The following DYNC2H1 variants were observed in gnomAD, a reference collection of about 807,000 sequenced individuals.
The protein encoded by DYNC2H1 is cytoplasmic dynein 2 heavy chain 1.
In DYNC2H1, 410 loss-of-function variants were observed where a neutral mutation model predicts 570.0. That is an observed-to-expected ratio of 0.72 (90% CI 0.66 to 0.78). The LOEUF is 0.78. Among genes scored for constraint, DYNC2H1 ranks in the 30% least tolerant of loss-of-function variants. DYNC2H1 has a pLI of 0.00. For synonymous variants in DYNC2H1, 1,688 were observed against 1,677.6 expected (o/e 1.01, Z -0.15); for missense variants, 4,865 against 5,046.4 (o/e 0.96, Z 1.09).
intron 54 of DYNC2H1, among the ~76,000 whole-genome samples, chr11:103,212,937 GA>G (rs1431317451): frequency 1.3e-5 from 2 of 152,040 alleles, no homozygotes; most frequent in Non-Finnish European, 1.5e-5. Flanking sequence ...AATTCATATG[GA>G]AAAAACTTAG....
rs974503603 is a variant in DYNC2H1 at position 103,182,243 on chromosome 11, AAT to A, written c.6477+363_6477+364del. Among the ~76,000 whole-genome samples, 7 of 150,496 alleles carry A rather than the reference AAT, an allele frequency of 4.7e-5. No individual in the cohort carries two copies. The South Asian group carries it at 1.3e-3, about 27-fold the overall frequency. On this transcript the variant is annotated intron_variant, in intron 40 of 88. Coordinates refer to ENST00000375735, the MANE Select transcript of DYNC2H1 (RefSeq NM_001377.3). ...CTATATATATGACATATGTATATAT[AAT>A]ATATAGGTATTTATATACCTATATA...
At chr11:103,237,579 T>C (rs934916772) in intron 63 of DYNC2H1, among the ~76,000 whole-genome samples, 11 of 152,150 alleles carry the variant, frequency 7.2e-5, no homozygotes, top group Admixed American at 1.3e-4. Context: ...ATTTTCACAA[T>C]GGAATCACAA....
intron 83 of DYNC2H1, among the ~76,000 whole-genome samples, chr11:103,365,748 T>A (rs867564996): frequency 6.6e-6 from 1 of 152,226 alleles, no homozygotes; most frequent in African/African-American, 2.4e-5. Context: ...GCAAAGAAAT[T>A]ATATTTTGCA....
At chr11:103,422,519 G>A (rs560212530) in intron 84 of DYNC2H1, among the ~76,000 whole-genome samples, 2 of 152,216 alleles carry the variant, frequency 1.3e-5, no homozygotes, top group East Asian at 3.9e-4. Context: ...TCCCTGGGAT[G>A]CAAGGTTTGT....
chr11:103,286,463 C>G, intron 74 of DYNC2H1, 77 bp downstream of exon 74: 1 of 1,534,346 alleles, frequency 6.5e-7, no homozygotes, highest in Non-Finnish European at 8.8e-7. Context: ...TAAAGGAAAG[C>G]TTTGCTTTTA....
At chr11:103,154,988 G>A (rs1860747779) in intron 24 of DYNC2H1, among the ~76,000 whole-genome samples, 179 bp downstream of exon 24, 1 of 151,952 alleles carries the variant, frequency 6.6e-6, no homozygotes, top group Non-Finnish European at 1.5e-5. Flanking sequence ...CTACCAATGA[G>A]AAAGAAGTTA....
chr11:103,475,976 A>G (rs1050576428), intron 88 of DYNC2H1, among the ~76,000 whole-genome samples: 1 of 152,204 alleles, frequency 6.6e-6, no homozygotes, highest in African/African-American at 2.4e-5. Context: ...GGTGTTGGAA[A>G]AAGATAATTT....
At position 103,399,463 on chromosome 11, in the gene DYNC2H1, C is replaced by T. The variant is rs115460197; in HGVS notation, c.12157-200C>T. Among the ~76,000 whole-genome samples, 299 of 151,892 alleles carry T rather than the reference C, an allele frequency of 2.0e-3. 4 individuals carry two copies. Among genetic ancestry groups the T allele is most frequent in the African/African-American group, 6.8e-3 (280 of 41,416 alleles). On this transcript the variant is annotated intron_variant, in intron 83 of 88. Coordinates refer to ENST00000375735, the MANE Select transcript of DYNC2H1 (RefSeq NM_001377.3). ...GAGCCACCGCGCCTGGCCCACACACCGCTTTAAATGTTGAGGAACTCCAGA... is the reference window on the plus strand; with the variant it reads ...GAGCCACCGCGCCTGGCCCACACACTGCTTTAAATGTTGAGGAACTCCAGA...
In DYNC2H1 at chr11:103,153,432, C is replaced by T; in HGVS notation, c.3226C>T (p.Leu1076Phe). 6.4e-7 allele frequency: 1 copy of T among 1,566,444 alleles called. No homozygotes were observed. Among genetic ancestry groups the T allele is most frequent in the Non-Finnish European group, 8.7e-7 (1 of 1,155,358 alleles). Residue 1076 changes from leucine to phenylalanine, a missense_variant, in exon 22 of 89, where the codon CTT becomes TTT. By Grantham distance (22) the Leu-to-Phe change is conservative. Coordinates refer to ENST00000375735, the MANE Select transcript of DYNC2H1 (RefSeq NM_001377.3). ...DVIETGQHNT[L>F]DKSAKLIKEK... Reference sequence around the variant, plus strand: ...TATTGAAACTGGCCAACATAATACTCTTGATAAAAGTGCAAAGTTAATAAA... The same window carrying T: ...TATTGAAACTGGCCAACATAATACTTTTGATAAAAGTGCAAAGTTAATAAA...
intron 87 of DYNC2H1, among the ~76,000 whole-genome samples, chr11:103,458,029 C>CT (rs1279782206): frequency 1.3e-5 from 2 of 152,088 alleles, no homozygotes; most frequent in Non-Finnish European, 2.9e-5. Context: ...TTATTGAAGC[C>CT]TAAGTGTACA....
intron 1 of DYNC2H1, among the ~76,000 whole-genome samples, chr11:103,112,816 A>G (rs1253200696): frequency 6.6e-6 from 1 of 152,232 alleles, no homozygotes; most frequent in Non-Finnish European, 1.5e-5. Context: ...TGTATAATGC[A>G]AAAACTTCCT....
Position 103,181,704 on chromosome 11 carries a change from G to A in DYNC2H1, c.6348-53G>A, listed in dbSNP as rs1188174996. On this transcript the variant is annotated intron_variant, in intron 39 of 88. Coordinates refer to ENST00000375735, the MANE Select transcript of DYNC2H1 (RefSeq NM_001377.3). The surrounding 1 kb of genome is among the most constrained non-coding windows in gnomAD (Gnocchi z 5.0). ...TATTGGAGAAGAAATTTATTTTAAT[G>A]TAAATTGATAATTTCTTCCTAAGTA... The A allele has an allele frequency of 1.4e-6, 2 of 1,467,366 alleles. No individual in the cohort carries two copies. Among genetic ancestry groups the A allele is most frequent in the Non-Finnish European group, 1.8e-6 (2 of 1,093,192 alleles). 90.9% of individuals were successfully genotyped at this position (1,467,366 alleles called of 1,614,324 possible). A position where few individuals can be genotyped will look rare whatever the true frequency, so the allele number is the denominator to read the frequency against.
chr11:103,403,383 A>T (rs562070854), intron 84 of DYNC2H1: 2 of 152,202 alleles, frequency 1.3e-5, no homozygotes, highest in African/African-American at 4.8e-5. Context: ...ATTATTGACA[A>T]GATAACAATA....
intron 83 of DYNC2H1, among the ~76,000 whole-genome samples, chr11:103,365,362 A>AG (rs1397700657): frequency 1.0e-5 from 1 of 97,408 alleles, no homozygotes; most frequent in Non-Finnish European, 2.6e-5. Flanking sequence ...ATTCCGGCTC[A>AG]GGAAAAAAAA....
rs1448382517 is a variant in DYNC2H1, at chr11:103,472,264, C to T, written c.12765+3559C>T. 1.3e-5 allele frequency among the ~76,000 whole-genome samples: 2 copies of T among 152,092 alleles called. No individual in the cohort carries two copies. Among genetic ancestry groups the T allele is most frequent in the Non-Finnish European group, 2.9e-5 (2 of 68,020 alleles). ...ACAGGGCCAGGCACGGTGGCTCACACCTGTAATCCCATCACTTTGGGAGGC... is the reference window on the plus strand; with the variant it reads ...ACAGGGCCAGGCACGGTGGCTCACATCTGTAATCCCATCACTTTGGGAGGC... On this transcript the variant is annotated intron_variant, in intron 88 of 88. Coordinates refer to ENST00000375735, the MANE Select transcript of DYNC2H1 (RefSeq NM_001377.3). This position sits in a 1 kb window ranked among gnomAD's most constrained non-coding sequence, Gnocchi z 4.1.
chr11:103,111,367 G>T (rs979231575), intron 1 of DYNC2H1, among the ~76,000 whole-genome samples: 2 of 152,202 alleles, frequency 1.3e-5, no homozygotes, highest in Non-Finnish European at 2.9e-5. Context: ...TCATTTAATA[G>T]CCATAACGAC....
chr11:103,176,371 T>C lies in DYNC2H1; in HGVS notation c.5811T>C (p.Asp1937=), dbSNP rs1342763037. 3.1e-6 allele frequency: 5 copies of C among 1,595,362 alleles called. No individual in the cohort carries two copies. Among genetic ancestry groups the C allele is most frequent in the Admixed American group, 1.7e-5 (1 of 57,650 alleles). ...PGIELKEVEY[D]ELSAALKQVF... ...TTGAATTGAAAGAAGTGGAATATGA[T>C]GAACTAAGTGCTGCATTAAAGCAGG... Residue 1937 remains aspartate, a synonymous_variant, in exon 37 of 89, where the codon GAT becomes GAC. Coordinates refer to ENST00000375735, the MANE Select transcript of DYNC2H1 (RefSeq NM_001377.3).
chr11:103,215,746 C>G lies in DYNC2H1; in HGVS notation c.8720C>G (p.Ala2907Gly), dbSNP rs980680755. The change falls in exon 55 of 89, where the codon GCT (alanine) becomes GGT (glycine). Residue 2907 changes from alanine (A) to glycine (G), a missense_variant. Physicochemically the swap from Ala to Gly is moderately conservative, Grantham distance 60 (BLOSUM62 0). Transcript: ENST00000375735. The stretch of plus-strand genomic sequence containing the variant: ...GCTGGTGTATCTAAACTAAATGAAG[C>G]TAAAGCTCTTGTGGATGAACTGAAC... ...LQAGVSKLNEAKALVDELNRK... is the reference protein window; with the variant it reads ...LQAGVSKLNEGKALVDELNRK... 6.2e-7 allele frequency: 1 copy of G among 1,609,952 alleles called. No homozygotes were observed. Among genetic ancestry groups the G allele is most frequent in the Non-Finnish European group, 8.5e-7 (1 of 1,177,930 alleles).
intron 82 of DYNC2H1, among the ~76,000 whole-genome samples, chr11:103,332,110 A>T (rs1402613845): frequency 6.6e-6 from 1 of 152,082 alleles, no homozygotes; most frequent in East Asian, 1.9e-4. Flanking sequence ...AATATGCAAG[A>T]TTAGATGTTT....
Sources: allele counts gnomAD v4.1 joint callset (sites outside exome capture counted in the v4.1 genomes callset), GRCh38; gene constraint gnomAD v4.1.1; non-coding constraint Gnocchi (gnomAD v3.1); transcripts MANE v1.5; gene names NCBI Gene and HGNC (gene_info 2026-07-23, HGNC 2026-07-21).